SEC24B: variants seen among roughly 807,000 people sequenced by gnomAD.
SEC24B encodes the protein SEC24 homolog B, COPII component, also known as protein transport protein Sec24B.
In SEC24B, 45 loss-of-function variants were observed where a neutral mutation model predicts 142.8. That is an observed-to-expected ratio of 0.32 (90% CI 0.25 to 0.40). The LOEUF (loss-of-function observed/expected upper bound fraction) is 0.40, where lower values mean the gene tolerates loss of function less well. Among genes scored for constraint, SEC24B ranks in the 10% least tolerant of loss-of-function variants. The pLI, the probability that SEC24B is intolerant of heterozygous loss-of-function variation, is 1.00. For missense variants in SEC24B, 1,409 were observed against 1,526.8 expected, an observed-to-expected ratio of 0.92 and a Z score of 1.29; for synonymous variants, 574 against 568.2, an observed-to-expected ratio of 1.01 and a Z score of -0.15.
intron 1 of SEC24B, among the ~76,000 whole-genome samples, chr4:109,459,422 G>A (rs1222903364): frequency 6.6e-6 from 1 of 152,080 alleles, no homozygotes. Context: ...GTACAAAAAA[G>A]CAAAATATCT....
chr4:109,530,541 G>A (rs528774448), intron 19 of SEC24B, 77 bp downstream of exon 19: 37 of 1,213,412 alleles, frequency 3.0e-5, no homozygotes, highest in Non-Finnish European at 2.9e-5. Context: ...AGGAAATCTA[G>A]GTTGTTTTCT....
intron 4 of SEC24B, among the ~76,000 whole-genome samples, chr4:109,482,395 A>C (rs1733824999): frequency 6.6e-6 from 1 of 152,224 alleles, no homozygotes; most frequent in Non-Finnish European, 1.5e-5. Flanking sequence ...ACACTGCTAA[A>C]AAATTAAGCA....
chr4:109,479,926 A>C (rs1434841258), intron 3 of SEC24B, among the ~76,000 whole-genome samples: 1 of 152,196 alleles, frequency 6.6e-6, no homozygotes, highest in Non-Finnish European at 1.5e-5. Context: ...TGTCAGAAGA[A>C]TGTGCCACTC....
chr4:109,438,812 T>G (rs1314005141), intron 1 of SEC24B, among the ~76,000 whole-genome samples: 1 of 152,230 alleles, frequency 6.6e-6, no homozygotes, highest in African/African-American at 2.4e-5. Context: ...TTCCTTGGTG[T>G]TGTATTTCTA....
rs548096988 is a variant in SEC24B at position 109,457,880 on chromosome 4, T to TC, written c.134-5017dup. ...CAAATAATCCAAGAGAGGCTCCTCT[T>TC]CCCCAGATCTTTAACCTAAGCATGT... is the stretch of plus-strand genomic sequence containing the variant. On this transcript the variant is annotated intron_variant, in intron 1 of 23. Coordinates refer to ENST00000265175, the MANE Select transcript of SEC24B (RefSeq NM_006323.5). Among the ~76,000 whole-genome samples, 248 of 152,326 alleles carry TC rather than the reference T, an allele frequency of 1.6e-3. 1 individual carries two copies. The highest frequency in any genetic ancestry group is 5.7e-3 in the African/African-American group (237 of 41,564).
intron 2 of SEC24B, 125 bp from the exon 3 acceptor site, chr4:109,472,879 G>C (rs955824527): frequency 4.2e-5 from 13 of 306,876 alleles, no homozygotes; most frequent in Non-Finnish European, 6.5e-5. Context: ...TATTTTGTTA[G>C]TGATATATAT....
intron 2 of SEC24B, among the ~76,000 whole-genome samples, chr4:109,467,290 C>T (rs1255758936): frequency 6.9e-6 from 1 of 144,700 alleles, no homozygotes; most frequent in Non-Finnish European, 1.5e-5. Context: ...CGCGCCACTG[C>T]ACTCCAGCCT....
At chr4:109,493,448 G>A (rs953081979) in intron 5 of SEC24B, among the ~76,000 whole-genome samples, 1 of 152,178 alleles carries the variant, frequency 6.6e-6, no homozygotes, top group African/African-American at 2.4e-5. Flanking sequence ...TAATGGTTAT[G>A]TGTAGAGTTT....
chr4:109,521,542 G>A lies in SEC24B; in HGVS notation c.2424G>A (p.Val808=). ...FKLMSPTGGR[V]SVFQTQLPSL... ...TAATGTCTCCAACAGGTGGCCGTGT[G>A]TCTGTATTTCAGACACAGTTACCTT... Residue 808 remains valine (V), a synonymous_variant, in exon 14 of 24, where the codon GTG becomes GTA. Coordinates refer to ENST00000265175, the MANE Select transcript of SEC24B (RefSeq NM_006323.5). The A allele has an allele frequency of 6.2e-7, 1 of 1,614,142 alleles. No homozygotes were observed. The highest frequency in any genetic ancestry group is 1.1e-5 in the South Asian group (1 of 91,084).
chr4:109,493,668 G>A (rs887778231), intron 5 of SEC24B, among the ~76,000 whole-genome samples: 12 of 150,700 alleles, frequency 8.0e-5, no homozygotes, highest in African/African-American at 2.9e-4. Flanking sequence ...TCGCCCTGTG[G>A]CCCAGGCTGG....
At chr4:109,440,207 T>A (rs545455011) in intron 1 of SEC24B, among the ~76,000 whole-genome samples, 1 of 152,174 alleles carries the variant, frequency 6.6e-6, no homozygotes, top group Non-Finnish European at 1.5e-5. Flanking sequence ...TTTATTGCTA[T>A]ATATATTGCT....
At chr4:109,537,720 T>C (rs927390144) in intron 22 of SEC24B, among the ~76,000 whole-genome samples, 2 of 152,216 alleles carry the variant, frequency 1.3e-5, no homozygotes, top group Non-Finnish European at 2.9e-5. Flanking sequence ...TCCCCATTTG[T>C]ATTTTCAAAA....
intron 14 of SEC24B, among the ~76,000 whole-genome samples, chr4:109,522,414 A>G (rs1723743113): frequency 6.6e-6 from 1 of 152,178 alleles, no homozygotes; most frequent in South Asian, 2.1e-4. Context: ...TATACTTTGT[A>G]AGTCATAGAA....
chr4:109,536,147 AT>A (rs1725511245), intron 22 of SEC24B, among the ~76,000 whole-genome samples: 1 of 152,184 alleles, frequency 6.6e-6, no homozygotes. Context: ...TAATAAGAAA[AT>A]GAAAAGGGAG....
intron 3 of SEC24B, 92 bp from the exon 4 acceptor site, chr4:109,481,585 G>C: frequency 2.6e-6 from 2 of 779,050 alleles, no homozygotes; most frequent in South Asian, 2.1e-5. Flanking sequence ...TGGAATGTCA[G>C]AGTTCTTTCT....
chr4:109,442,812 C>G (rs1208678465), intron 1 of SEC24B, among the ~76,000 whole-genome samples: 2 of 152,012 alleles, frequency 1.3e-5, no homozygotes, highest in Admixed American at 6.6e-5. Flanking sequence ...ATGACTGTTA[C>G]AATCTTATTC....
intron 8 of SEC24B, among the ~76,000 whole-genome samples, 153 bp downstream of exon 8, chr4:109,510,264 A>T (rs2126045607): frequency 6.6e-6 from 1 of 152,324 alleles, no homozygotes; most frequent in South Asian, 2.1e-4. Context: ...CATTTTTTGA[A>T]CACCTGCTTT....
At chr4:109,480,723 C>A (rs1733652952) in intron 3 of SEC24B, among the ~76,000 whole-genome samples, 1 of 152,228 alleles carries the variant, frequency 6.6e-6, no homozygotes, top group Non-Finnish European at 1.5e-5. Context: ...TTGTGATCCT[C>A]CCACCTTGGC....
chr4:109,477,163 A>C (rs944926888), intron 3 of SEC24B, among the ~76,000 whole-genome samples: 3 of 148,456 alleles, frequency 2.0e-5, no homozygotes, highest in Admixed American at 2.0e-4. Context: ...AAAAAAAAAA[A>C]AAGACCTACA....
Sources: allele counts gnomAD v4.1 joint callset (sites outside exome capture counted in the v4.1 genomes callset), GRCh38; gene constraint gnomAD v4.1.1; transcripts MANE v1.5; gene names NCBI Gene and HGNC (gene_info 2026-07-23, HGNC 2026-07-21).